Variants in HTR5A observed in about 807,000 individuals in gnomAD.
HTR5A encodes 5-hydroxytryptamine receptor 5A.
HTR5A carries 21 observed loss-of-function variants against 24.3 expected under a neutral mutation model. The ratio of observed to expected loss-of-function variants is 0.86; its 90% CI spans 0.61 to 1.24. HTR5A has a LOEUF of 1.24. Ranked by LOEUF, HTR5A falls within the 50% of genes most tolerant of loss-of-function variation. The pLI is 0.00. For missense variants in HTR5A, 497 were observed against 489.5 expected, an observed-to-expected ratio of 1.02 and a Z score of -0.15; for synonymous variants, 260 against 213.7, an observed-to-expected ratio of 1.22 and a Z score of -1.89.
intron 1 of HTR5A, 39 bp downstream of exon 1, chr7:155,071,679 A>C: frequency 2.5e-6 from 4 of 1,600,102 alleles, no homozygotes; most frequent in Non-Finnish European, 2.6e-6. Context: ...CTCGACTTGC[A>C]TCTGTACAGG....
Position 155,071,697 on chromosome 7 carries a change from C to T in HTR5A, c.741+57C>T, listed in dbSNP as rs1412984680. 3.2e-6 allele frequency: 5 copies of T among 1,543,288 alleles called. No individual in the cohort carries two copies. In the African/African-American group the frequency reaches 5.5e-5, roughly 17 times the overall value. On this transcript the variant is annotated intron_variant, in intron 1 of 1. Coordinates refer to ENST00000287907, the MANE Select transcript of HTR5A (RefSeq NM_024012.4). ...GACTTGCATCTGTACAGGCTATATC[C>T]CCAGGCCACCTGCCCCACCCCCACA...
At chr7:155,071,759 G>C (rs1795298509) in intron 1 of HTR5A, 119 bp downstream of exon 1, 1 of 1,033,730 alleles carries the variant, frequency 9.7e-7, no homozygotes, top group Admixed American at 2.4e-5. Context: ...TTGGGAGTGG[G>C]GGGAGTAAAC....
chr7:155,086,156 T>C lies in HTR5A; in HGVS notation c.*1669T>C, dbSNP rs1333230971. Among the ~76,000 whole-genome samples the C allele has an allele frequency of 6.6e-6, 1 of 152,218 alleles. No homozygotes were observed. The highest frequency in any genetic ancestry group is 1.5e-5 in the Non-Finnish European group (1 of 68,024). On this transcript the variant is annotated 3_prime_UTR_variant, in exon 2 of 2. Coordinates refer to ENST00000287907, the MANE Select transcript of HTR5A (RefSeq NM_024012.4). ...AATCAGAGAGAATAACAAATGCTAT[T>C]GTTTTCTAGTGTTTTGAATAAGGGA...
intron 1 of HTR5A, among the ~76,000 whole-genome samples, chr7:155,082,232 A>T (rs2150820971): frequency 6.6e-6 from 1 of 152,192 alleles, no homozygotes; most frequent in South Asian, 2.1e-4. Flanking sequence ...TGTGAATGGC[A>T]TCCATGGGGT....
rs1252219476 is a variant in HTR5A, at chr7:155,085,978, T to C, written c.*1491T>C. ...CAGATCTTTATGCATTCAAGCAGAT[T>C]CATTGAGAAATTTAGTGATAAGAAT... On this transcript the variant is annotated 3_prime_UTR_variant, in exon 2 of 2. Transcript: ENST00000287907. Among the ~76,000 whole-genome samples the C allele has an allele frequency of 6.6e-6, 1 of 152,216 alleles. No homozygotes were observed. Among genetic ancestry groups the C allele is most frequent in the Non-Finnish European group, 1.5e-5 (1 of 68,032 alleles).
chr7:155,085,944 T>C lies in HTR5A; in HGVS notation c.*1457T>C, dbSNP rs901805231. Among the ~76,000 whole-genome samples the C allele has an allele frequency of 2.0e-5, 3 of 152,190 alleles. No homozygotes were observed. The highest frequency in any genetic ancestry group is 2.4e-5 in the African/African-American group (1 of 41,468). ...GACACCTGTGAAGTCACAATTAATA[T>C]GCTAAATGCAGATCTTTATGCATTC... On this transcript the variant is annotated 3_prime_UTR_variant, in exon 2 of 2. Coordinates refer to ENST00000287907, the MANE Select transcript of HTR5A (RefSeq NM_024012.4).
At chr7:155,076,063 G>A (rs1305156029) in intron 1 of HTR5A, among the ~76,000 whole-genome samples, 1 of 152,172 alleles carries the variant, frequency 6.6e-6, no homozygotes, top group Non-Finnish European at 1.5e-5. Flanking sequence ...CGTCAGCATA[G>A]GATAAAGGAC....
rs915853507 is a variant in HTR5A, at chr7:155,085,472, A to G, written c.*985A>G. On this transcript the variant is annotated 3_prime_UTR_variant, in exon 2 of 2. Coordinates refer to ENST00000287907, the MANE Select transcript of HTR5A (RefSeq NM_024012.4). ...ATCCTTGATTAATTTGCTAATTGCT[A>G]TTTTTTGTTGGTATGTGAATTCCTG... The G allele has an allele frequency of 1.3e-5, 2 of 152,158 alleles. No homozygotes were observed. Among genetic ancestry groups the G allele is most frequent in the African/African-American group, 4.8e-5 (2 of 41,438 alleles). 9.4% of individuals were successfully genotyped at this position (152,158 alleles called of 1,614,324 possible).
Position 155,070,656 on chromosome 7 carries a change from C to G in HTR5A, c.-244C>G. ...GCTTAGGCGGGCCCTGGCTGCGACA[C>G]GCAGCCCCTCGCCTCTGCTTCCTTA... On this transcript the variant is annotated 5_prime_UTR_variant, in exon 1 of 2. Coordinates refer to ENST00000287907, the MANE Select transcript of HTR5A (RefSeq NM_024012.4). The G allele has an allele frequency of 1.8e-6, 1 of 545,762 alleles. No individual in the cohort carries two copies. The highest frequency in any genetic ancestry group is 3.3e-6 in the Non-Finnish European group (1 of 305,652). 33.8% of individuals were successfully genotyped at this position (545,762 alleles called of 1,614,324 possible). A position where few individuals can be genotyped will look rare whatever the true frequency, so the allele number is the denominator to read the frequency against.
At chr7:155,082,492 T>A (rs1444019695) in intron 1 of HTR5A, among the ~76,000 whole-genome samples, 1 of 152,226 alleles carries the variant, frequency 6.6e-6, no homozygotes, top group African/African-American at 2.4e-5. Flanking sequence ...GCATCCTTTA[T>A]GTGACCAGTG....
rs1458848886 is a variant in HTR5A, at chr7:155,086,837, G to T, written c.*2350G>T. On this transcript the variant is annotated 3_prime_UTR_variant, in exon 2 of 2. Coordinates refer to ENST00000287907, the MANE Select transcript of HTR5A (RefSeq NM_024012.4). The stretch of plus-strand genomic sequence containing the variant: ...TGCTTGACTGCTAATATTTTATCAG[G>T]TTAGAAATTTATATGAATCATAAAC... 6.6e-6 allele frequency among the ~76,000 whole-genome samples: 1 copy of T among 152,100 alleles called. No individual in the cohort carries two copies. The highest frequency in any genetic ancestry group is 2.1e-4 in the South Asian group (1 of 4,820).
chr7:155,077,472 T>TTG (rs1193233407), intron 1 of HTR5A, among the ~76,000 whole-genome samples: 9 of 146,138 alleles, frequency 6.2e-5, no homozygotes, highest in African/African-American at 2.4e-4. Flanking sequence ...TTTTGTTTTT[T>TTG]TTTTTTTTTG....
At chr7:155,077,840 G>A (rs1315086253) in intron 1 of HTR5A, among the ~76,000 whole-genome samples, 1 of 152,002 alleles carries the variant, frequency 6.6e-6, no homozygotes, top group Non-Finnish European at 1.5e-5. Context: ...TTGCTTTTCA[G>A]ACAACTTTAA....
chr7:155,072,220 G>A (rs1024170415), intron 1 of HTR5A, among the ~76,000 whole-genome samples: 2 of 152,118 alleles, frequency 1.3e-5, no homozygotes, highest in Admixed American at 1.3e-4. Flanking sequence ...GCATCCTCCC[G>A]TCCTGACGTA....
At chr7:155,074,116 G>A (rs544837032) in intron 1 of HTR5A, among the ~76,000 whole-genome samples, 6 of 151,998 alleles carry the variant, frequency 3.9e-5, no homozygotes, top group African/African-American at 7.2e-5. Context: ...GGGTGTCAAA[G>A]TTTCTAAATG....
rs947273218 is a variant in HTR5A, at chr7:155,078,593, G to T, written c.742-5562G>T. Among the ~76,000 whole-genome samples the T allele has an allele frequency of 3.3e-5, 5 of 152,150 alleles. No individual in the cohort carries two copies. In the South Asian group the frequency reaches 1.0e-3, roughly 32 times the overall value. ...CTCCCAAAGTGCTGGGATTACAGGC[G>T]TGAGCCACCATGCCCAGATTCATTT... On this transcript the variant is annotated intron_variant, in intron 1 of 1. Transcript: ENST00000287907.
chr7:155,075,416 G>T (rs374799858), intron 1 of HTR5A, among the ~76,000 whole-genome samples: 3 of 152,168 alleles, frequency 2.0e-5, no homozygotes, highest in Non-Finnish European at 2.9e-5. Flanking sequence ...GTAAAGTTCC[G>T]AACAACAGAT....
At chr7:155,083,552 C>G (rs1038925348) in intron 1 of HTR5A, among the ~76,000 whole-genome samples, 2 of 152,176 alleles carry the variant, frequency 1.3e-5, no homozygotes, top group African/African-American at 4.8e-5. Flanking sequence ...GGGCACCCCA[C>G]AGGAGACTAA....
At chr7:155,075,328 C>T (rs1359037040) in intron 1 of HTR5A, among the ~76,000 whole-genome samples, 1 of 152,154 alleles carries the variant, frequency 6.6e-6, no homozygotes, top group Admixed American at 6.5e-5. Flanking sequence ...TCACATTGCA[C>T]GTTGATCAAC....
Sources: allele counts gnomAD v4.1 joint callset (sites outside exome capture counted in the v4.1 genomes callset), GRCh38; gene constraint gnomAD v4.1.1; transcripts MANE v1.5; gene names NCBI Gene and HGNC (gene_info 2026-07-23, HGNC 2026-07-21).